Variants in MTA3 observed in about 807,000 individuals in gnomAD.
MTA3 encodes metastasis associated 1 family member 3.
A neutral mutation model predicts 83.5 loss-of-function variants in MTA3; 34 were observed. That is an observed-to-expected ratio of 0.41 (90% confidence interval 0.31 to 0.54). The LOEUF (loss-of-function observed/expected upper bound fraction) is 0.54, where lower values mean the gene tolerates loss of function less well. MTA3 is among the 20% of genes least tolerant of loss of function. The pLI is 0.33. For synonymous variants in MTA3, 303 were observed against 252.7 expected, an observed-to-expected ratio of 1.20 and a Z score of -1.89; for missense variants, 761 against 726.4, an observed-to-expected ratio of 1.05 and a Z score of -0.55.
intron 6 of MTA3, among the ~76,000 whole-genome samples, chr2:42,654,344 G>A (rs762920472): frequency 5.3e-5 from 8 of 152,198 alleles, no homozygotes; most frequent in Non-Finnish European, 1.0e-4. Flanking sequence ...CAGTCACTGG[G>A]GAATGGTTGG....
At chr2:42,542,614 T>C (rs963359020) in intron 2 of MTA3, among the ~76,000 whole-genome samples, 5 of 152,116 alleles carry the variant, frequency 3.3e-5, no homozygotes, top group African/African-American at 7.2e-5. Flanking sequence ...TGTAGTGGCA[T>C]GACCTTAGCT....
chr2:42,719,247 A>T (rs1667239872), intron 15 of MTA3, among the ~76,000 whole-genome samples, 173 bp downstream of exon 15: 1 of 152,198 alleles, frequency 6.6e-6, no homozygotes, highest in Non-Finnish European at 1.5e-5. Flanking sequence ...ACCAGCACAC[A>T]CAACACACAC....
chr2:42,665,624 G>A (rs144911258), intron 8 of MTA3, among the ~76,000 whole-genome samples: 3 of 152,302 alleles, frequency 2.0e-5, no homozygotes, highest in African/African-American at 7.2e-5. Context: ...CATTGTGAGG[G>A]AGCTGGATCG....
At chr2:42,632,044 A>G (rs560354288) in intron 4 of MTA3, among the ~76,000 whole-genome samples, 19 of 147,622 alleles carry the variant, frequency 1.3e-4, no homozygotes, top group Non-Finnish European at 1.8e-4. Context: ...TATTCACCCT[A>G]TGATACCATC....
intron 2 of MTA3, among the ~76,000 whole-genome samples, chr2:42,505,823 C>T (rs948205821): frequency 3.4e-5 from 5 of 146,564 alleles, no homozygotes; most frequent in South Asian, 2.1e-4. Flanking sequence ...GGCTGGAGTG[C>T]AATGGCGTGA....
chr2:42,506,588 G>A (rs114998011), intron 2 of MTA3, among the ~76,000 whole-genome samples: 2,665 of 151,624 alleles, frequency 0.018, 36 homozygotes, highest in Non-Finnish European at 0.029. Flanking sequence ...AGGTGTAGGC[G>A]GGGGGTAACG....
At chr2:42,546,804 T>G (rs1265973793) in intron 2 of MTA3, among the ~76,000 whole-genome samples, 1 of 152,214 alleles carries the variant, frequency 6.6e-6, no homozygotes, top group African/African-American at 2.4e-5. Flanking sequence ...GGGGTCTCTA[T>G]TCTCAATGTC....
chr2:42,532,185 A>G (rs919400108), intron 2 of MTA3, among the ~76,000 whole-genome samples: 2 of 152,240 alleles, frequency 1.3e-5, no homozygotes, highest in African/African-American at 2.4e-5. Context: ...TAGAAGGACT[A>G]TCTTCAAACA....
chr2:42,663,214 C>G (rs1457385078), intron 8 of MTA3, among the ~76,000 whole-genome samples: 1 of 152,084 alleles, frequency 6.6e-6, no homozygotes, highest in Non-Finnish European at 1.5e-5. Flanking sequence ...AGTGGAAAAG[C>G]TTGTTCCTGA....
chr2:42,722,048 A>G (rs1033997186), intron 15 of MTA3, among the ~76,000 whole-genome samples: 2 of 152,168 alleles, frequency 1.3e-5, no homozygotes, highest in African/African-American at 4.8e-5. Context: ...CCTTACCTTC[A>G]GTGAAAGGGT....
upstream of MTA3, among the ~76,000 whole-genome samples, chr2:42,565,067 C>T (rs937357248): frequency 3.3e-5 from 5 of 151,682 alleles, no homozygotes; most frequent in South Asian, 2.1e-4. Context: ...TGAGCCACCG[C>T]GCTCAGCCAA....
rs1471884250 is a variant in MTA3, at chr2:42,708,058, C to T, written c.1302+4C>T. The T allele has an allele frequency of 1.3e-6, 2 of 1,593,122 alleles. No individual in the cohort carries two copies. The highest frequency in any genetic ancestry group is 1.7e-6 in the Non-Finnish European group (2 of 1,174,186). On this transcript the variant is annotated splice_donor_region_variant and intron_variant, in intron 13 of 16. Transcript: ENST00000405094. ...ATCTCCTAGCCCAACTACAGAGGTA[C>T]AGTAGTCTTTTTAGTGTTGAAAAAT...
At chr2:42,653,536 G>A (rs1032345737) in intron 6 of MTA3, among the ~76,000 whole-genome samples, 1 of 152,124 alleles carries the variant, frequency 6.6e-6, no homozygotes, top group South Asian at 2.1e-4. Flanking sequence ...TTCAAAATGG[G>A]AATCTCCTCT....
rs114919792 is a variant in MTA3, at chr2:42,749,845, C to T, written c.1760-3529C>T. 3.0e-3 allele frequency among the ~76,000 whole-genome samples: 454 copies of T among 152,244 alleles called. 4 individuals are homozygous for T. The highest frequency in any genetic ancestry group is 0.01 in the African/African-American group (425 of 41,538). ...GAGGGTTAGTCAAATTAGCCTACCA[C>T]GATAGGAAGCAGAGCTCCTCAGTCC... On this transcript the variant is annotated intron_variant, in intron 16 of 16. Coordinates refer to ENST00000405094, the MANE Select transcript of MTA3 (RefSeq NM_001330442.2).
intron 9 of MTA3, among the ~76,000 whole-genome samples, chr2:42,693,920 A>AC (rs1464902420): frequency 6.6e-6 from 1 of 151,342 alleles, no homozygotes; most frequent in African/African-American, 2.4e-5. Context: ...GTGTACTACT[A>AC]CCCAGGCATT....
chr2:42,573,737 C>T (rs2103844823), intron 2 of MTA3, among the ~76,000 whole-genome samples: 1 of 152,258 alleles, frequency 6.6e-6, no homozygotes. Flanking sequence ...TCTCAAACTC[C>T]TGACCTCAGG....
intron 5 of MTA3, among the ~76,000 whole-genome samples, chr2:42,643,924 C>G (rs1687926638): frequency 6.6e-6 from 1 of 152,094 alleles, no homozygotes; most frequent in African/African-American, 2.4e-5. Context: ...CAAGCTGTTT[C>G]TTTTGGCTTG....
In MTA3 at chr2:42,746,332, A is replaced by G. The variant is rs577354227; in HGVS notation, c.1760-7042A>G. Among the ~76,000 whole-genome samples, 22 of 152,316 alleles carry G rather than the reference A, an allele frequency of 1.4e-4. No individual in the cohort carries two copies. The East Asian group carries it at 2.7e-3, about 19-fold the overall frequency. On this transcript the variant is annotated intron_variant, in intron 16 of 16. Transcript: ENST00000405094. ...ATTTTAAAAGCCCTATTAAGGGGAA[A>G]AAACACACTCAGAGCAGTTGCTTAT...
chr2:42,597,493 C>T (rs981791882), intron 3 of MTA3, among the ~76,000 whole-genome samples: 7 of 149,294 alleles, frequency 4.7e-5, no homozygotes, highest in Non-Finnish European at 8.9e-5. Context: ...TCAAGCAATT[C>T]TCCTGCCTCA....
Sources: allele counts gnomAD v4.1 joint callset (sites outside exome capture counted in the v4.1 genomes callset), GRCh38; gene constraint gnomAD v4.1.1; transcripts MANE v1.5; gene names NCBI Gene and HGNC (gene_info 2026-07-23, HGNC 2026-07-21).